NET1: variants seen among roughly 807,000 people sequenced by gnomAD.
NET1 encodes neuroepithelial cell-transforming gene 1 protein.
A neutral mutation model predicts 61.1 loss-of-function variants in NET1; 42 were observed. That is an observed-to-expected ratio of 0.69 (90% CI 0.54 to 0.89). The LOEUF (loss-of-function observed/expected upper bound fraction) is 0.89. NET1 is among the 40% of genes least tolerant of loss of function. The probability of loss-of-function intolerance (pLI) is 0.00; values close to 1 mark genes in which losing one functional copy is unlikely to be tolerated. For synonymous variants in NET1, 254 were observed against 281.8 expected, an observed-to-expected ratio of 0.90 and a Z score of 0.99; for missense variants, 654 against 747.3, an observed-to-expected ratio of 0.88 and a Z score of 1.46.
Position 5,452,925 on chromosome 10 carries a change from G to GT in NET1, c.594+6dup. On this transcript the variant is annotated splice_donor_region_variant and intron_variant, in intron 6 of 11. Transcript: ENST00000355029. This position sits in a 1 kb window ranked among gnomAD's most constrained non-coding sequence, Gnocchi z 4.0. ...GATCTCAAACTTGCAAGAAAGGTCA[G>GT]TAAATAACTTTTTATCAGATGCCCT... is the stretch of plus-strand genomic sequence containing the variant. 1 of 1,593,562 alleles carries GT rather than the reference G, an allele frequency of 6.3e-7. No homozygotes were observed. Among genetic ancestry groups the GT allele is most frequent in the Non-Finnish European group, 8.6e-7 (1 of 1,161,748 alleles).
chr10:5,436,933 G>A (rs553074477), intron 3 of NET1, among the ~76,000 whole-genome samples: 3 of 152,288 alleles, frequency 2.0e-5, no homozygotes, highest in Admixed American at 1.3e-4. Context: ...AAAGCCAACT[G>A]CTGGTTCAGG....
rs1021645006 is a variant in NET1, at chr10:5,443,239, G to A, written c.256-8591G>A. ...GAGTCATCAGGTCTGTTAAGCCACT[G>A]ATTAACAAGGTACCTTTGGACAAGT... On this transcript the variant is annotated intron_variant, in intron 3 of 11. Coordinates refer to ENST00000355029, the MANE Select transcript of NET1 (RefSeq NM_001047160.3). This position sits in a 1 kb window ranked among gnomAD's most constrained non-coding sequence, Gnocchi z 4.8. Among the ~76,000 whole-genome samples the A allele has an allele frequency of 2.0e-5, 3 of 152,188 alleles. No homozygotes were observed. Among genetic ancestry groups the A allele is most frequent in the Non-Finnish European group, 4.4e-5 (3 of 68,044 alleles).
At chr10:5,445,709 T>C (rs1832596872) in intron 3 of NET1, among the ~76,000 whole-genome samples, 1 of 152,340 alleles carries the variant, frequency 6.6e-6, no homozygotes, top group Non-Finnish European at 1.5e-5. Context: ...AGACTTAGGC[T>C]AGAAATTTGG....
rs7097341 is a variant in NET1 at position 5,453,823 on chromosome 10, G to A, written c.768+263G>A. The stretch of plus-strand genomic sequence containing the variant: ...ATTCCCACATCATGTGTGATTATCC[G>A]TTGCATTCTGTCATGTATGTTTAAG... On this transcript the variant is annotated intron_variant, in intron 8 of 11. Transcript: ENST00000355029. The surrounding 1 kb of genome is among the most constrained non-coding windows in gnomAD (Gnocchi z 4.9). Among the ~76,000 whole-genome samples the A allele has an allele frequency of 0.27, 41,024 of 151,828 alleles. 5,702 individuals carry two copies. The highest frequency in any genetic ancestry group is 0.29 in the Non-Finnish European group (19,379 of 67,958).
rs1832756755 is a variant in NET1, at chr10:5,454,123, CATT to C, written c.769-136_769-134del. ...GATTGCTAAAATGCTATTCAGCTTCCATTATTATCTGCCAGAAAATGTCCACAG... is the reference window on the plus strand; with the variant it reads ...GATTGCTAAAATGCTATTCAGCTTCCATTATCTGCCAGAAAATGTCCACAG... On this transcript the variant is annotated intron_variant, in intron 8 of 11. Transcript: ENST00000355029. This position sits in a 1 kb window ranked among gnomAD's most constrained non-coding sequence, Gnocchi z 8.1. 5.2e-5 allele frequency: 45 copies of C among 859,676 alleles called. No homozygotes were observed. In the South Asian group the frequency reaches 7.4e-4, roughly 14 times the overall value. 53.3% of individuals were successfully genotyped at this position (859,676 alleles called of 1,614,324 possible).
rs1317157145 is a variant in NET1, at chr10:5,423,085, T to C, written c.129-3570T>C. 6.6e-6 allele frequency among the ~76,000 whole-genome samples: 1 copy of C among 152,198 alleles called. No homozygotes were observed. Among genetic ancestry groups the C allele is most frequent in the African/African-American group, 2.4e-5 (1 of 41,462 alleles). On this transcript the variant is annotated intron_variant, in intron 1 of 11. Coordinates refer to ENST00000355029, the MANE Select transcript of NET1 (RefSeq NM_001047160.3). The surrounding 1 kb of genome is among the most constrained non-coding windows in gnomAD (Gnocchi z 4.4). ...AGGATAAGAGTATATGTACAGTGCT[T>C]GTCACATAGTAGGCACCCAATAAAT...
rs141135377 is a variant in NET1 at position 5,454,793 on chromosome 10, G to A, written c.1027-155G>A. On this transcript the variant is annotated intron_variant, in intron 9 of 11. Transcript: ENST00000355029. This position sits in a 1 kb window ranked among gnomAD's most constrained non-coding sequence, Gnocchi z 8.1. ...CTCAATTTGGCTAGGACTGTTTCTT[G>A]ATCTATAAAATGAACAGACTGGCAG... is the stretch of plus-strand genomic sequence containing the variant. 2.0e-5 allele frequency among the ~76,000 whole-genome samples: 3 copies of A among 152,196 alleles called. No homozygotes were observed. The highest frequency in any genetic ancestry group is 4.4e-5 in the Non-Finnish European group (3 of 68,030).
rs1376342514 is a variant in NET1, at chr10:5,431,698, GA to G, written c.255+2470del. On this transcript the variant is annotated intron_variant, in intron 3 of 11. Coordinates refer to ENST00000355029, the MANE Select transcript of NET1 (RefSeq NM_001047160.3). The surrounding 1 kb of genome is among the most constrained non-coding windows in gnomAD (Gnocchi z 4.9). ...TTAGCATTCTCTGAAAGTAAGTAATGATTTTTTTTTCTCCTTAGTATTATGA... is the reference window on the plus strand; with the variant it reads ...TTAGCATTCTCTGAAAGTAAGTAATGTTTTTTTTTCTCCTTAGTATTATGA... 1.3e-5 allele frequency among the ~76,000 whole-genome samples: 2 copies of G among 151,850 alleles called. No homozygotes were observed. The highest frequency in any genetic ancestry group is 1.5e-5 in the Non-Finnish European group (1 of 67,958).
chr10:5,418,247 G>C (rs1832113286), intron 1 of NET1, among the ~76,000 whole-genome samples: 1 of 151,600 alleles, frequency 6.6e-6, no homozygotes, highest in Non-Finnish European at 1.5e-5. Context: ...TCAATGTTTG[G>C]TAGAATTCAG....
chr10:5,415,768 AGTT>A lies in NET1; in HGVS notation c.128+2952_128+2954del, dbSNP rs1564456580. 1.3e-5 allele frequency among the ~76,000 whole-genome samples: 2 copies of A among 152,040 alleles called. No homozygotes were observed. The highest frequency in any genetic ancestry group is 2.4e-5 in the African/African-American group (1 of 41,400). ...TCATTTTTAAATTTCTTTTTTATTG[AGTT>A]GTTAAGAGTTCTTTATTCTGGATAC... On this transcript the variant is annotated intron_variant, in intron 1 of 11. Transcript: ENST00000355029. This position sits in a 1 kb window ranked among gnomAD's most constrained non-coding sequence, Gnocchi z 4.7.
intron 3 of NET1, among the ~76,000 whole-genome samples, chr10:5,442,023 C>A (rs1367674913): frequency 6.6e-6 from 1 of 151,966 alleles, no homozygotes; most frequent in Non-Finnish European, 1.5e-5. Context: ...TAAAATATTT[C>A]TTGTGAATTG....
rs996206827 is a variant in NET1 at position 5,439,787 on chromosome 10, C to T, written c.255+10558C>T. The stretch of plus-strand genomic sequence containing the variant: ...ATCTTTGTCTACCATAAATACCCAA[C>T]CTTGATGTGATATACCAGGTCACAT... On this transcript the variant is annotated intron_variant, in intron 3 of 11. Coordinates refer to ENST00000355029, the MANE Select transcript of NET1 (RefSeq NM_001047160.3). The surrounding 1 kb of genome is among the most constrained non-coding windows in gnomAD (Gnocchi z 4.8). Among the ~76,000 whole-genome samples the T allele has an allele frequency of 1.3e-5, 2 of 152,234 alleles. No individual in the cohort carries two copies. The highest frequency in any genetic ancestry group is 4.8e-5 in the African/African-American group (2 of 41,464).
In NET1 at chr10:5,452,496, C is replaced by G. The variant is rs755797607; in HGVS notation, c.502C>G (p.Leu168Val). 8 of 1,614,066 alleles carry G rather than the reference C, an allele frequency of 5.0e-6. No homozygotes were observed. The Admixed American group carries it at 1.0e-4, about 20-fold the overall frequency. Residue 168 changes from leucine (L) to valine (V), a missense_variant, in exon 5 of 12, where the codon CTC (leucine) becomes GTC (valine). Physicochemically the swap from Leu to Val is conservative, Grantham distance 32 (BLOSUM62 1). Coordinates refer to ENST00000355029, the MANE Select transcript of NET1 (RefSeq NM_001047160.3). The surrounding 1 kb of genome is among the most constrained non-coding windows in gnomAD (Gnocchi z 4.0). ...GCTGGACATCACCATGAAGGAGTCT[C>G]TCACCACCAGGGAGATCAGACGGCA... ...EMLDITMKES[L>V]TTREIRRQEA...
At position 5,452,493 on chromosome 10, in the gene NET1, T is replaced by A; in HGVS notation, c.499T>A (p.Ser167Thr). The change falls in exon 5 of 12, where the codon TCT becomes ACT. Residue 167 changes from serine (S) to threonine (T), a missense_variant. Transcript: ENST00000355029. This position sits in a 1 kb window ranked among gnomAD's most constrained non-coding sequence, Gnocchi z 4.0. ...GATGCTGGACATCACCATGAAGGAGTCTCTCACCACCAGGGAGATCAGACG... is the reference window on the plus strand; with the variant it reads ...GATGCTGGACATCACCATGAAGGAGACTCTCACCACCAGGGAGATCAGACG... ...SEMLDITMKE[S>T]LTTREIRRQE... 1 of 1,613,298 alleles carries A rather than the reference T, an allele frequency of 6.2e-7. No homozygotes were observed. Among genetic ancestry groups the A allele is most frequent in the Non-Finnish European group, 8.5e-7 (1 of 1,179,606 alleles).
In NET1 at chr10:5,439,146, G is replaced by C. The variant is rs1370180830; in HGVS notation, c.255+9917G>C. On this transcript the variant is annotated intron_variant, in intron 3 of 11. Transcript: ENST00000355029. The surrounding 1 kb of genome is among the most constrained non-coding windows in gnomAD (Gnocchi z 4.8). ...AGCCAACCCATTTGCCACTGCTCAG[G>C]AGCCTGTGTATATCTGTATGTCATG... Among the ~76,000 whole-genome samples, 1 of 152,172 alleles carries C rather than the reference G, an allele frequency of 6.6e-6. No homozygotes were observed. Among genetic ancestry groups the C allele is most frequent in the Non-Finnish European group, 1.5e-5 (1 of 68,044 alleles).
At chr10:5,428,407 G>GCCTCTTGAGTAGCTGGGACTACA in intron 2 of NET1, among the ~76,000 whole-genome samples, 1 of 150,002 alleles carries the variant, frequency 6.7e-6, no homozygotes, top group East Asian at 2.0e-4. Context: ...TCCTGCCTCA[G>GCCTCTTGAGTAGCTGGGACTACA]GCAACAAATC....
At chr10:5,429,668 T>G (rs1042767858) in intron 3 of NET1, among the ~76,000 whole-genome samples, 1 of 152,202 alleles carries the variant, frequency 6.6e-6, no homozygotes, top group Admixed American at 6.5e-5. Flanking sequence ...GCAAAATAAC[T>G]TATCTGTAAG....
Position 5,420,539 on chromosome 10 carries a change from G to A in NET1, c.129-6116G>A, listed in dbSNP as rs143543612. On this transcript the variant is annotated intron_variant, in intron 1 of 11. Transcript: ENST00000355029. The surrounding 1 kb of genome is among the most constrained non-coding windows in gnomAD (Gnocchi z 5.3). ...CCTACAATATGACAGGCCTCTTAAC[G>A]TCTTTCTCCTCACCTCCCAGTTCTG... Among the ~76,000 whole-genome samples the A allele has an allele frequency of 2.9e-3, 441 of 152,176 alleles. No homozygotes were observed. Among genetic ancestry groups the A allele is most frequent in the Non-Finnish European group, 3.0e-3 (205 of 67,992 alleles).
chr10:5,441,541 C>T lies in NET1; in HGVS notation c.256-10289C>T, dbSNP rs1045753874. ...CGTTATACTGGAAGTTATTCGTTAC[C>T]TGAGATAAAAAGTCACCACTAACAG... On this transcript the variant is annotated intron_variant, in intron 3 of 11. Coordinates refer to ENST00000355029, the MANE Select transcript of NET1 (RefSeq NM_001047160.3). This position sits in a 1 kb window ranked among gnomAD's most constrained non-coding sequence, Gnocchi z 4.6. 6.6e-6 allele frequency among the ~76,000 whole-genome samples: 1 copy of T among 152,312 alleles called. No individual in the cohort carries two copies. Among genetic ancestry groups the T allele is most frequent in the African/African-American group, 2.4e-5 (1 of 41,576 alleles).
Sources: gnomAD v4.1 joint callset for allele counts (sites outside exome capture counted in the v4.1 genomes callset) on GRCh38, gnomAD v4.1.1 for gene constraint, Gnocchi (gnomAD v3.1) non-coding constraint, MANE v1.5 for transcripts, NCBI Gene and HGNC (gene_info 2026-07-23, HGNC 2026-07-21) for gene names.